INTS9: variants seen among roughly 807,000 people sequenced by gnomAD.
INTS9 encodes the protein protein related to CPSF subunits of 74 kDa.
In INTS9, 55 loss-of-function variants were observed where a neutral mutation model predicts 79.7. The observed-to-expected ratio is 0.69, with a 90% CI of 0.56 to 0.86. The LOEUF (loss-of-function observed/expected upper bound fraction) is 0.86, where lower values mean the gene tolerates loss of function less well. Among genes scored for constraint, INTS9 ranks in the 40% least tolerant of loss-of-function variants. The probability of loss-of-function intolerance (pLI) is 0.00; values close to 1 mark genes in which losing one functional copy is unlikely to be tolerated. For missense variants in INTS9, 721 were observed against 831.5 expected (o/e 0.87, Z 1.64); for synonymous variants, 319 against 325.2 (o/e 0.98, Z 0.20).
intron 1 of INTS9, among the ~76,000 whole-genome samples, chr8:28,873,047 T>C (rs1809181955): frequency 6.6e-6 from 1 of 152,138 alleles, no homozygotes; most frequent in African/African-American, 2.4e-5. Flanking sequence ...CAGTAATACG[T>C]ATTGATTCTG....
At chr8:28,784,240 G>A (rs1803458189) in intron 11 of INTS9, among the ~76,000 whole-genome samples, 1 of 152,172 alleles carries the variant, frequency 6.6e-6, no homozygotes. Context: ...ACTCTAAATG[G>A]CACCAGGTCA....
intron 14 of INTS9, among the ~76,000 whole-genome samples, chr8:28,771,575 A>G (rs1019843241): frequency 6.6e-6 from 1 of 152,264 alleles, no homozygotes; most frequent in African/African-American, 2.4e-5. Context: ...AGAGGCCATT[A>G]TGTAAACATG....
chr8:28,799,056 T>G (rs937105258), intron 8 of INTS9, among the ~76,000 whole-genome samples: 2 of 152,082 alleles, frequency 1.3e-5, no homozygotes, highest in Admixed American at 6.5e-5. Context: ...CAGCACTTTG[T>G]GAGGCCAAGG....
intron 6 of INTS9, among the ~76,000 whole-genome samples, chr8:28,819,018 T>C (rs1052705064): frequency 1.3e-5 from 2 of 152,196 alleles, no homozygotes; most frequent in Non-Finnish European, 2.9e-5. Flanking sequence ...TCATTTTTTA[T>C]TGTGTCTATT....
chr8:28,849,749 GACCCAAGCTTTTTACAAAGCCCT>G (rs1807724587), intron 3 of INTS9, among the ~76,000 whole-genome samples: 1 of 152,056 alleles, frequency 6.6e-6, no homozygotes, highest in Admixed American at 6.6e-5. Flanking sequence ...ACCCAAAAAA[GACCCAAGCTTTTTACAAAGCCCT>G]ACCTGATCTG....
chr8:28,812,363 A>T lies in INTS9; in HGVS notation c.708T>A (p.Tyr236Ter). Residue 236 changes from tyrosine to a stop codon, truncating the protein, a stop_gained, in exon 8 of 17, where the codon TAT (tyrosine) becomes TAA (stop). Coordinates refer to ENST00000521022, the MANE Select transcript of INTS9 (RefSeq NM_018250.4). LOFTEE classifies it high-confidence loss of function. The part of the protein sequence containing the change: ...IIQSHYEKVS[Y>*]VSGSSLLTTH... ...TGGTAAGCAAGGAGGATCCAGAGAC[A>T]TAAGACACTTTCTCGTAATGAGACT... 1 of 1,614,140 alleles carries T rather than the reference A, an allele frequency of 6.2e-7. No homozygotes were observed. The highest frequency in any genetic ancestry group is 8.5e-7 in the Non-Finnish European group (1 of 1,179,966).
At chr8:28,778,517 G>A (rs950833191) in intron 12 of INTS9, among the ~76,000 whole-genome samples, 3 of 152,272 alleles carry the variant, frequency 2.0e-5, no homozygotes, top group Admixed American at 6.5e-5. Context: ...ACAAGCGCAC[G>A]GCCCCGCCTC....
At chr8:28,769,622 C>G in intron 16 of INTS9, 2 of 408,638 alleles carry the variant, frequency 4.9e-6, no homozygotes, top group Non-Finnish European at 8.8e-6. Flanking sequence ...CTGCCCCACT[C>G]GTCACATGTG....
At chr8:28,808,251 T>C (rs1046501263) in intron 8 of INTS9, among the ~76,000 whole-genome samples, 35 of 151,404 alleles carry the variant, frequency 2.3e-4, no homozygotes, top group African/African-American at 7.3e-4. Context: ...TGAAGTGTAA[T>C]AGTGCGATCT....
chr8:28,858,429 T>C (rs1325258994), intron 2 of INTS9, among the ~76,000 whole-genome samples: 1 of 152,214 alleles, frequency 6.6e-6, no homozygotes, highest in Non-Finnish European at 1.5e-5. Flanking sequence ...CAGGCCATTT[T>C]ATTAGGAAAT....
intron 6 of INTS9, 65 bp from the exon 7 acceptor site, chr8:28,813,677 C>G: frequency 6.4e-7 from 1 of 1,570,152 alleles, no homozygotes; most frequent in Non-Finnish European, 8.7e-7. Context: ...GCATTCCTTT[C>G]TAGTAATTTG....
chr8:28,867,531 TAAAAAAAA>T (rs766435433), intron 1 of INTS9, among the ~76,000 whole-genome samples: 4 of 117,454 alleles, frequency 3.4e-5, no homozygotes, highest in Non-Finnish European at 7.3e-5. Flanking sequence ...GAGCTGAGAT[TAAAAAAAA>T]AAAAAAAAAG....
At chr8:28,874,588 C>T (rs1026590759) in intron 1 of INTS9, among the ~76,000 whole-genome samples, 2 of 152,090 alleles carry the variant, frequency 1.3e-5, no homozygotes, top group African/African-American at 2.4e-5. Flanking sequence ...CCACTGCACC[C>T]GGCCACTTTA....
intron 2 of INTS9, among the ~76,000 whole-genome samples, chr8:28,852,807 A>G (rs1328073079): frequency 6.6e-6 from 1 of 152,268 alleles, no homozygotes; most frequent in Non-Finnish European, 1.5e-5. Flanking sequence ...AAGGCCACCT[A>G]TTATACCTGG....
intron 1 of INTS9, among the ~76,000 whole-genome samples, chr8:28,880,599 C>T (rs907073968): frequency 6.6e-6 from 1 of 150,864 alleles, no homozygotes; most frequent in African/African-American, 2.4e-5. Flanking sequence ...GGCGTGATCT[C>T]GGCTCGCTAC....
At chr8:28,824,813 A>G (rs1806053119) in intron 6 of INTS9, among the ~76,000 whole-genome samples, 1 of 152,222 alleles carries the variant, frequency 6.6e-6, no homozygotes, top group Non-Finnish European at 1.5e-5. Context: ...TACATCTGGG[A>G]GTTAGCTCTT....
chr8:28,770,605 C>T (rs549847659), intron 15 of INTS9, among the ~76,000 whole-genome samples: 14 of 152,254 alleles, frequency 9.2e-5, no homozygotes, highest in Non-Finnish European at 1.5e-4. Flanking sequence ...TCTTAAGACA[C>T]AGTGCCTGCC....
intron 6 of INTS9, among the ~76,000 whole-genome samples, chr8:28,815,498 T>C (rs999193876): frequency 8.5e-5 from 13 of 152,208 alleles, no homozygotes; most frequent in African/African-American, 2.9e-4. Flanking sequence ...CTGCAGCTTT[T>C]TGAGGCAAAC....
intron 8 of INTS9, among the ~76,000 whole-genome samples, chr8:28,799,715 C>T (rs1379795909): frequency 1.3e-5 from 2 of 152,140 alleles, no homozygotes; most frequent in Non-Finnish European, 2.9e-5. Context: ...AAGAAAAAGC[C>T]ATCTTGTCCA....
Sources: gnomAD v4.1 joint callset for allele counts (sites outside exome capture counted in the v4.1 genomes callset) on GRCh38, gnomAD v4.1.1 for gene constraint, MANE v1.5 for transcripts, NCBI Gene and HGNC (gene_info 2026-07-23, HGNC 2026-07-21) for gene names.